TNRC6A: variants seen among roughly 807,000 people sequenced by gnomAD.
TNRC6A encodes trinucleotide repeat-containing gene 6A protein.
A neutral mutation model predicts 221.2 loss-of-function variants in TNRC6A; 44 were observed. The ratio of observed to expected loss-of-function variants is 0.20; its 90% CI spans 0.16 to 0.26. TNRC6A has a LOEUF of 0.26. TNRC6A is among the 10% of genes least tolerant of loss of function. TNRC6A has a pLI of 1.00. For missense variants in TNRC6A, 2,199 were observed against 2,404.4 expected (o/e 0.91, Z 1.79); for synonymous variants, 847 against 838.5 (o/e 1.01, Z -0.18).
intron 2 of TNRC6A, among the ~76,000 whole-genome samples, chr16:24,709,243 G>A (rs982293867): frequency 1.4e-5 from 2 of 142,846 alleles, no homozygotes; most frequent in African/African-American, 5.4e-5. Flanking sequence ...GGCAACAAGA[G>A]TGAAACTCTG....
chr16:24,712,228 A>G (rs2056218780), intron 2 of TNRC6A, among the ~76,000 whole-genome samples: 1 of 150,430 alleles, frequency 6.6e-6, no homozygotes, highest in Non-Finnish European at 1.5e-5. Context: ...ATCATAGACC[A>G]CTGCAACCTC....
intron 9 of TNRC6A, 86 bp downstream of exon 9, chr16:24,796,025 T>C: frequency 6.8e-7 from 1 of 1,460,398 alleles, no homozygotes; most frequent in South Asian, 1.1e-5. Flanking sequence ...TAGCCTCTGC[T>C]GTGTGCCAGG....
intron 4 of TNRC6A, among the ~76,000 whole-genome samples, chr16:24,764,688 G>A (rs2057434734): frequency 6.6e-6 from 1 of 152,112 alleles, no homozygotes; most frequent in Admixed American, 6.5e-5. Flanking sequence ...TGTGAATAAT[G>A]CTGGCATGAA....
chr16:24,658,707 T>G (rs971697336), intron 2 of TNRC6A, among the ~76,000 whole-genome samples: 1 of 152,124 alleles, frequency 6.6e-6, no homozygotes, highest in African/African-American at 2.4e-5. Context: ...CTTTTTTTCC[T>G]GATTAGTTGA....
At chr16:24,791,944 AATT>A (rs1567484855) in intron 6 of TNRC6A, 127 bp downstream of exon 6, 1 of 1,058,322 alleles carries the variant, frequency 9.4e-7, no homozygotes, top group Admixed American at 3.7e-5. Flanking sequence ...GCTTGAAAAA[AATT>A]ATAGGGGTGA....
At chr16:24,716,571 A>G (rs2056316470) in intron 2 of TNRC6A, among the ~76,000 whole-genome samples, 1 of 152,120 alleles carries the variant, frequency 6.6e-6, no homozygotes, top group African/African-American at 2.4e-5. Context: ...TGGGGAGCTG[A>G]GGCAGAAGGG....
Position 24,791,592 on chromosome 16 carries a change from C to A in TNRC6A, c.2950C>A (p.Pro984Thr). Residue 984 changes from proline (P) to threonine (T), a missense_variant, in exon 6 of 25, where the codon CCC becomes ACC. By Grantham distance (38) the Pro-to-Thr change is conservative (BLOSUM62 -1). Around this residue, in one of 8 missense-constraint regions of TNRC6A, gnomAD observed 1,405 missense variants for 1,400.2 expected, o/e 1.00. Coordinates refer to ENST00000395799, the MANE Select transcript of TNRC6A (RefSeq NM_014494.4). ...PIPAPAKEEE[P>T]TGWEEPSPES... The stretch of plus-strand genomic sequence containing the variant: ...ACCAGCCCCAGCAAAAGAAGAAGAA[C>A]CCACAGGCTGGGAGGAACCATCCCC... 1.3e-6 allele frequency: 2 copies of A among 1,587,558 alleles called. No homozygotes were observed. Among genetic ancestry groups the A allele is most frequent in the Non-Finnish European group, 1.7e-6 (2 of 1,169,288 alleles).
chr16:24,728,635 C>A (rs1468860357), upstream of TNRC6A, among the ~76,000 whole-genome samples: 1 of 152,066 alleles, frequency 6.6e-6, no homozygotes, highest in Non-Finnish European at 1.5e-5. Context: ...AAAGAACACA[C>A]GCAAGTGAAA....
intron 4 of TNRC6A, among the ~76,000 whole-genome samples, chr16:24,758,995 G>C (rs924173504): frequency 6.6e-6 from 1 of 152,054 alleles, no homozygotes; most frequent in South Asian, 2.1e-4. Context: ...GCTCTCAGGT[G>C]CTGAACTTAT....
At position 24,789,365 on chromosome 16, in the gene TNRC6A, A is replaced by G. The variant is rs1391580817; in HGVS notation, c.723A>G (p.Ser241=). The stretch of plus-strand genomic sequence containing the variant: ...TGTCGGAAAAAGAAGCATGGCCCTC[A>G]GCCCCTGGCAGTGATCCGGAGTTGG... The part of the protein sequence containing the change: ...SDLSEKEAWP[S]APGSDPELAS... The change falls in exon 6 of 25, where the codon TCA becomes TCG. Residue 241 remains serine (S), a synonymous_variant. Transcript: ENST00000395799. 3 of 1,614,244 alleles carry G rather than the reference A, an allele frequency of 1.9e-6. No homozygotes were observed. Among genetic ancestry groups the G allele is most frequent in the East Asian group, 4.5e-5 (2 of 44,890 alleles).
chr16:24,632,036 A>G (rs957142029), intron 1 of TNRC6A, among the ~76,000 whole-genome samples: 3 of 151,824 alleles, frequency 2.0e-5, no homozygotes, highest in African/African-American at 7.3e-5. Context: ...TTTTTTTAAT[A>G]GACAGGGTCC....
intron 20 of TNRC6A, among the ~76,000 whole-genome samples, chr16:24,817,287 AACC>A (rs1278905525): frequency 6.6e-6 from 1 of 152,260 alleles, no homozygotes; most frequent in Non-Finnish European, 1.5e-5. Flanking sequence ...AGGACCAGCA[AACC>A]TTTGCTTTCC....
Position 24,690,312 on chromosome 16 carries a change from GA to G in TNRC6A, n.402+49312del, listed in dbSNP as rs961574382. Among the ~76,000 whole-genome samples, 542 of 150,784 alleles carry G rather than the reference GA, an allele frequency of 3.6e-3. 14 individuals are homozygous for G. The highest frequency in any genetic ancestry group is 1.2e-3 in the Non-Finnish European group (84 of 67,622). The stretch of plus-strand genomic sequence containing the variant: ...GGCATAAGCCACCGTGCCTGGACAA[GA>G]AAAAAAAATTTTAATGGAAAATGAA... On this transcript the variant is annotated intron_variant and non_coding_transcript_variant, in intron 2 of 2. Transcript: ENST00000566108.
At chr16:24,750,691 A>C in intron 2 of TNRC6A, 35 bp from the exon 3 acceptor site, 1 of 1,494,060 alleles carries the variant, frequency 6.7e-7, no homozygotes, top group Non-Finnish European at 8.9e-7. Context: ...TTCTTAATAC[A>C]TTTTGGGAAA....
rs112426081 is a variant in TNRC6A, at chr16:24,777,080, C to CGCA, written c.323_325dup (p.Gln108dup). Reference sequence around the variant, plus strand: ...CAGCAGCAGCAGCAACAGCAGCAGCCGCAGCAGCAGCAGCCACAGCAGCAG... The same window carrying CGCA: ...CAGCAGCAGCAGCAACAGCAGCAGCCGCAGCAGCAGCAGCAGCCACAGCAGCAG... On this transcript the variant is annotated inframe_insertion, in exon 5 of 25. Transcript: ENST00000395799. The CGCA allele has an allele frequency of 4.7e-4, 759 of 1,603,896 alleles. 1 individual carries two copies. The African/African-American group carries it at 8.9e-3, about 19-fold the overall frequency.
chr16:24,671,022 GC>G, intron 2 of TNRC6A: 1 of 381,300 alleles, frequency 2.6e-6, no homozygotes. Flanking sequence ...CATCTTCCTC[GC>G]CAGCCAATCT....
At chr16:24,750,909 T>C (rs2057123134) in intron 3 of TNRC6A, 96 bp downstream of exon 3, 13 of 1,156,050 alleles carry the variant, frequency 1.1e-5, no homozygotes, top group Admixed American at 3.0e-5. Flanking sequence ...TTTGATTTAA[T>C]GTTTTAGCTT....
chr16:24,686,192 A>G (rs1452162065), intron 2 of TNRC6A, among the ~76,000 whole-genome samples: 1 of 152,050 alleles, frequency 6.6e-6, no homozygotes. Context: ...TTTCTCTTGG[A>G]TGAGATACCT....
At chr16:24,631,698 G>A (rs989541309) in intron 1 of TNRC6A, among the ~76,000 whole-genome samples, 3 of 151,930 alleles carry the variant, frequency 2.0e-5, no homozygotes, top group Admixed American at 6.6e-5. Flanking sequence ...CTTGAACCCA[G>A]GAGGTGGAGG....
Sources: gnomAD v4.1 joint callset for allele counts (sites outside exome capture counted in the v4.1 genomes callset) on GRCh38, gnomAD v4.1.1 for gene constraint, gnomAD v4.1.1 regional missense constraint, MANE v1.5 for transcripts, NCBI Gene and HGNC (gene_info 2026-07-23, HGNC 2026-07-21) for gene names.